LINGO2: variants seen among roughly 807,000 people sequenced by gnomAD.
LINGO2 encodes leucine rich repeat and Ig domain containing 2, also known as leucine-rich repeat and immunoglobulin-like domain-containing nogo receptor-interacting protein 2.
In LINGO2, 14 loss-of-function variants were observed where a neutral mutation model predicts 30.6. The observed-to-expected ratio is 0.46, with a 90% CI of 0.30 to 0.72. The LOEUF (loss-of-function observed/expected upper bound fraction) is 0.72, where lower values mean the gene tolerates loss of function less well. LINGO2 is among the 30% of genes least tolerant of loss of function. LINGO2 has a pLI of 0.07. For missense variants in LINGO2, 729 were observed against 751.7 expected (o/e 0.97, Z 0.35); for synonymous variants, 317 against 288.5 (o/e 1.10, Z -1.00).
intron 2 of LINGO2, among the ~76,000 whole-genome samples, chr9:28,376,477 G>A (rs1014811704): frequency 4.6e-5 from 7 of 152,124 alleles, no homozygotes; most frequent in Admixed American, 6.6e-5. Context: ...CACCCACTTC[G>A]TGACAAAGAC....
the LINGO2 span, among the ~76,000 whole-genome samples, chr9:29,098,277 G>A: frequency 1.3e-5 from 2 of 152,128 alleles, no homozygotes; most frequent in African/African-American, 4.8e-5. Context: ...AGTCTCATCC[G>A]TGTAACTGCA....
chr9:28,760,198 T>G, the LINGO2 span, among the ~76,000 whole-genome samples: 2 of 152,176 alleles, frequency 1.3e-5, no homozygotes, highest in African/African-American at 4.8e-5. Context: ...AAGCAAACAT[T>G]TGAATAATTA....
At chr9:28,588,535 G>C (rs1824687558) in intron 1 of LINGO2, among the ~76,000 whole-genome samples, 1 of 151,798 alleles carries the variant, frequency 6.6e-6, no homozygotes, top group Admixed American at 6.6e-5. Context: ...GGGATGGTGG[G>C]AGCATAAGGA....
chr9:29,165,627 T>C, the LINGO2 span, among the ~76,000 whole-genome samples: 3 of 152,066 alleles, frequency 2.0e-5, no homozygotes, highest in African/African-American at 4.8e-5. Flanking sequence ...GACTATAAAA[T>C]AGGAGAAGAA....
intron 1 of LINGO2, among the ~76,000 whole-genome samples, chr9:28,555,472 C>T (rs1205394602): frequency 1.3e-5 from 2 of 151,594 alleles, no homozygotes; most frequent in African/African-American, 4.9e-5. Context: ...CTGAATAGAC[C>T]AATAACAGGA....
chr9:28,206,842 C>T (rs1045983109), intron 4 of LINGO2, among the ~76,000 whole-genome samples: 6 of 152,206 alleles, frequency 3.9e-5, no homozygotes, highest in Admixed American at 2.0e-4. Flanking sequence ...GGTTCAATGG[C>T]TTAATTATTT....
At chr9:28,228,168 A>G (rs561891649) in intron 4 of LINGO2, among the ~76,000 whole-genome samples, 2 of 152,034 alleles carry the variant, frequency 1.3e-5, no homozygotes, top group South Asian at 2.1e-4. Context: ...AGGAGTTCCT[A>G]CCTTTTATAA....
chr9:28,949,536 T>C, the LINGO2 span, among the ~76,000 whole-genome samples: 2 of 152,048 alleles, frequency 1.3e-5, no homozygotes, highest in South Asian at 4.1e-4. Flanking sequence ...CCTGAACACA[T>C]ACACCCTCCC....
the LINGO2 span, among the ~76,000 whole-genome samples, chr9:28,715,379 G>T: frequency 6.6e-6 from 1 of 152,104 alleles, no homozygotes; most frequent in Non-Finnish European, 1.5e-5. Flanking sequence ...ATGAGAATGA[G>T]CATGTATATT....
At chr9:28,697,730 G>C in the LINGO2 span, among the ~76,000 whole-genome samples, 1 of 151,994 alleles carries the variant, frequency 6.6e-6, no homozygotes, top group East Asian at 1.9e-4. Context: ...CTCTTGCTAT[G>C]CTTTTTGTTA....
chr9:28,740,741 G>C, the LINGO2 span, among the ~76,000 whole-genome samples: 1 of 151,888 alleles, frequency 6.6e-6, no homozygotes, highest in Non-Finnish European at 1.5e-5. Flanking sequence ...CACACGTTGA[G>C]GGATGATTCA....
At chr9:28,737,178 C>T in the LINGO2 span, among the ~76,000 whole-genome samples, 1 of 152,236 alleles carries the variant, frequency 6.6e-6, no homozygotes, top group Admixed American at 6.5e-5. Flanking sequence ...AGGTCATAAA[C>T]AGACAGAGTG....
At chr9:28,476,216 T>C (rs1378874437) in intron 1 of LINGO2, among the ~76,000 whole-genome samples, 191 bp from the exon 4 acceptor site, 1 of 152,228 alleles carries the variant, frequency 6.6e-6, no homozygotes, top group Non-Finnish European at 1.5e-5. Context: ...AAGAATATTG[T>C]TATGTTTATC....
At chr9:28,568,223 G>C (rs993837310) in intron 1 of LINGO2, among the ~76,000 whole-genome samples, 2 of 151,998 alleles carry the variant, frequency 1.3e-5, no homozygotes, top group Admixed American at 6.6e-5. Context: ...AACAGACAAA[G>C]AGAAAAAAAC....
the LINGO2 span, among the ~76,000 whole-genome samples, chr9:29,093,347 G>A: frequency 6.8e-5 from 9 of 132,144 alleles, 3 homozygotes; most frequent in Non-Finnish European, 9.7e-5. Flanking sequence ...CAACATCAAG[G>A]TAAATATATC....
chr9:28,302,264 AC>A (rs1456393952), intron 3 of LINGO2, among the ~76,000 whole-genome samples: 3 of 152,352 alleles, frequency 2.0e-5, no homozygotes, highest in African/African-American at 7.2e-5. Context: ...ACCAGGACTT[AC>A]ATTTCATGAA....
chr9:28,038,253 G>A (rs1336614344), intron 4 of LINGO2, among the ~76,000 whole-genome samples: 2 of 151,682 alleles, frequency 1.3e-5, no homozygotes, highest in African/African-American at 4.8e-5. Context: ...AAGTGGATGG[G>A]GAAAAGAAAA....
At chr9:28,472,333 T>C (rs1025593658) in intron 2 of LINGO2, among the ~76,000 whole-genome samples, 1 of 150,948 alleles carries the variant, frequency 6.6e-6, no homozygotes, top group African/African-American at 2.4e-5. Context: ...TTTTTTTTTT[T>C]AATATGTAGG....
intron 1 of LINGO2, among the ~76,000 whole-genome samples, chr9:28,553,891 C>A (rs1353242183): frequency 6.6e-6 from 1 of 151,954 alleles, no homozygotes; most frequent in African/African-American, 2.4e-5. Context: ...TCATATCCAG[C>A]CAAACTAAGC....
Sources: gnomAD v4.1 joint callset for allele counts (sites outside exome capture counted in the v4.1 genomes callset) on GRCh38, gnomAD v4.1.1 for gene constraint, MANE v1.5 for transcripts, NCBI Gene and HGNC (gene_info 2026-07-23, HGNC 2026-07-21) for gene names.